Variants in CPEB3 observed in about 807,000 individuals in gnomAD.
CPEB3 encodes cytoplasmic polyadenylation element-binding protein 3.
In CPEB3, 20 loss-of-function variants were observed where a neutral mutation model predicts 67.2. The ratio of observed to expected loss-of-function variants is 0.30; its 90% CI spans 0.21 to 0.43. The LOEUF (loss-of-function observed/expected upper bound fraction) is 0.43, where lower values mean the gene tolerates loss of function less well. Ranked by LOEUF, CPEB3 falls within the 20% of genes least tolerant of loss-of-function variation. CPEB3 has a pLI of 1.00. For synonymous variants in CPEB3, 376 were observed against 393.1 expected, an observed-to-expected ratio of 0.96 and a Z score of 0.51; for missense variants, 746 against 968.6, an observed-to-expected ratio of 0.77 and a Z score of 3.05.
chr10:92,250,858 ATTTTTTTT>A (rs1211646953), intron 1 of CPEB3, among the ~76,000 whole-genome samples: 113 of 104,118 alleles, frequency 1.1e-3, no homozygotes, highest in African/African-American at 3.3e-3. Flanking sequence ...CACACAGTTA[ATTTTTTTT>A]TTTTTTTTTT....
At chr10:92,081,586 A>C in intron 8 of CPEB3, 85 bp from the exon 9 acceptor site, 1 of 1,177,374 alleles carries the variant, frequency 8.5e-7, no homozygotes, top group Non-Finnish European at 1.2e-6. Context: ...TTTAGAGATC[A>C]TGCAATGTAA....
intron 4 of CPEB3, among the ~76,000 whole-genome samples, chr10:92,153,169 C>A (rs1847041983): frequency 6.6e-6 from 1 of 152,328 alleles, no homozygotes; most frequent in East Asian, 1.9e-4. Flanking sequence ...CAAGCTCATA[C>A]AACTGGGTTT....
At chr10:92,200,296 G>A (rs1849456828) in intron 2 of CPEB3, among the ~76,000 whole-genome samples, 1 of 152,160 alleles carries the variant, frequency 6.6e-6, no homozygotes, top group African/African-American at 2.4e-5. Flanking sequence ...TGTAATCCCA[G>A]CACTTTGGGA....
At chr10:92,254,675 C>T (rs531764516) in intron 1 of CPEB3, among the ~76,000 whole-genome samples, 5 of 151,906 alleles carry the variant, frequency 3.3e-5, no homozygotes, top group Non-Finnish European at 7.4e-5. Flanking sequence ...TTTATACAGA[C>T]AGAGTCTTGC....
chr10:92,212,975 T>G (rs1850169289), intron 2 of CPEB3, among the ~76,000 whole-genome samples: 1 of 152,188 alleles, frequency 6.6e-6, no homozygotes, highest in African/African-American at 2.4e-5. Context: ...ACTAGAAAAT[T>G]TAAAATGATC....
intron 9 of CPEB3, among the ~76,000 whole-genome samples, chr10:92,077,929 A>G (rs1404952725): frequency 6.6e-6 from 1 of 152,058 alleles, no homozygotes; most frequent in Non-Finnish European, 1.5e-5. Context: ...GCCACTTTCA[A>G]TGACTTCCAG....
intron 9 of CPEB3, among the ~76,000 whole-genome samples, chr10:92,071,757 T>C (rs941239233): frequency 8.6e-5 from 13 of 151,856 alleles, no homozygotes; most frequent in Non-Finnish European, 1.5e-4. Flanking sequence ...AAAATTTTTT[T>C]CTCATGACCA....
At chr10:92,144,284 A>G (rs1846574651) in intron 5 of CPEB3, among the ~76,000 whole-genome samples, 1 of 152,072 alleles carries the variant, frequency 6.6e-6, no homozygotes, top group Non-Finnish European at 1.5e-5. Flanking sequence ...TTATTTATTT[A>G]CTTATGAGAC....
At chr10:92,081,689 A>C (rs532617589) in intron 8 of CPEB3, among the ~76,000 whole-genome samples, 188 bp from the exon 9 acceptor site, 1 of 152,326 alleles carries the variant, frequency 6.6e-6, no homozygotes, top group East Asian at 1.9e-4. Context: ...GGTGTTTTGA[A>C]ATAAAATGGA....
At chr10:92,116,611 G>C (rs570659052) in intron 6 of CPEB3, among the ~76,000 whole-genome samples, 1 of 151,782 alleles carries the variant, frequency 6.6e-6, no homozygotes, top group Non-Finnish European at 1.5e-5. Context: ...TCTTGCCCTC[G>C]GACCCAGTAA....
At chr10:92,171,684 G>A (rs953368856) in intron 4 of CPEB3, among the ~76,000 whole-genome samples, 39 of 151,666 alleles carry the variant, frequency 2.6e-4, no homozygotes, top group Admixed American at 1.5e-3. Context: ...GTGTGATCTC[G>A]GCTCACTGCA....
intron 9 of CPEB3, among the ~76,000 whole-genome samples, chr10:92,067,657 A>G (rs1842607757): frequency 6.6e-6 from 1 of 151,886 alleles, no homozygotes; most frequent in Non-Finnish European, 1.5e-5. Context: ...CGTCTCTACT[A>G]AAAATACAAA....
At chr10:92,150,960 C>A (rs1004113405) in intron 4 of CPEB3, among the ~76,000 whole-genome samples, 10 of 152,120 alleles carry the variant, frequency 6.6e-5, no homozygotes, top group African/African-American at 2.4e-4. Context: ...GGCTTTCAAC[C>A]AATGGTCTGG....
chr10:92,152,849 A>G (rs1222719139), intron 4 of CPEB3, among the ~76,000 whole-genome samples: 1 of 152,184 alleles, frequency 6.6e-6, no homozygotes, highest in Non-Finnish European at 1.5e-5. Context: ...TCTCCCTACA[A>G]GAGTGACCAC....
In CPEB3 at chr10:92,239,796, C is replaced by G; in HGVS notation, c.555G>C (p.Gln185His). ...CGGGTGAGCGGCGCTGCTGCGGGGG[C>G]TGCGCCTGTGGTGGCTGCGCTGGCT... ...PAQPAQPPQA[Q>H]PPQQRRSPAS... Residue 185 changes from glutamine (Q) to histidine (H), a missense_variant, in exon 2 of 10, where the codon CAG (glutamine) becomes CAC (histidine). Transcript: ENST00000265997. This position sits in a 1 kb window ranked among gnomAD's most constrained non-coding sequence, Gnocchi z 6.0. 2.1e-6 allele frequency: 3 copies of G among 1,413,168 alleles called. No homozygotes were observed. The highest frequency in any genetic ancestry group is 2.8e-6 in the Non-Finnish European group (3 of 1,090,164). 87.5% of individuals were successfully genotyped at this position (1,413,168 alleles called of 1,614,324 possible).
At chr10:92,256,137 T>C (rs1564912250) in intron 1 of CPEB3, among the ~76,000 whole-genome samples, 1 of 152,170 alleles carries the variant, frequency 6.6e-6, no homozygotes, top group Non-Finnish European at 1.5e-5. Context: ...CAAGTCCAAC[T>C]GGTTGATAAA....
At chr10:92,077,901 A>C (rs1465816820) in intron 9 of CPEB3, among the ~76,000 whole-genome samples, 1 of 152,028 alleles carries the variant, frequency 6.6e-6, no homozygotes, top group Non-Finnish European at 1.5e-5. Context: ...GAGGGGAAAA[A>C]GGGAGAGTAG....
intron 2 of CPEB3, among the ~76,000 whole-genome samples, chr10:92,237,698 G>A (rs937779155): frequency 1.3e-5 from 2 of 152,134 alleles, no homozygotes; most frequent in African/African-American, 2.4e-5. Context: ...TAAAGAGAGG[G>A]AATGTTAGAA....
At chr10:92,095,552 CTT>C (rs1843818974) in intron 7 of CPEB3, among the ~76,000 whole-genome samples, 2 of 143,848 alleles carry the variant, frequency 1.4e-5, no homozygotes, top group South Asian at 4.3e-4. Context: ...TGGACTTACT[CTT>C]TGTTTGGATA....
Sources: gnomAD v4.1 joint callset for allele counts (sites outside exome capture counted in the v4.1 genomes callset) on GRCh38, gnomAD v4.1.1 for gene constraint, Gnocchi (gnomAD v3.1) non-coding constraint, MANE v1.5 for transcripts, NCBI Gene and HGNC (gene_info 2026-07-23, HGNC 2026-07-21) for gene names.